The following ZFHX3 variants were observed in gnomAD, a reference collection of about 807,000 sequenced individuals.
ZFHX3 encodes the protein zinc finger homeobox 3.
ZFHX3 carries 42 observed loss-of-function variants against 279.1 expected under a neutral mutation model. The observed-to-expected ratio is 0.15, with a 90% CI of 0.12 to 0.19. ZFHX3 has a LOEUF of 0.19. ZFHX3 is among the 10% of genes least tolerant of loss of function. The pLI is 1.00. For synonymous variants in ZFHX3, 2,293 were observed against 1,957.8 expected (o/e 1.17, Z -4.52); for missense variants, 4,981 against 4,754.0 (o/e 1.05, Z -1.40).
At chr16:73,806,302 G>C (rs888465526) in intron 1 of ZFHX3, among the ~76,000 whole-genome samples, 8 of 152,190 alleles carry the variant, frequency 5.3e-5, no homozygotes, top group Non-Finnish European at 1.2e-4. Context: ...GCAGAGGCAA[G>C]AGCAAGTGCA....
chr16:72,878,051 G>A (rs1371892597), intron 4 of ZFHX3, among the ~76,000 whole-genome samples: 10 of 151,858 alleles, frequency 6.6e-5, no homozygotes, highest in Admixed American at 1.3e-4. Context: ...CTAGCCAGGT[G>A]TGGTGGTGCA....
intron 4 of ZFHX3, among the ~76,000 whole-genome samples, chr16:72,854,499 C>T (rs978310866): frequency 6.6e-6 from 1 of 152,136 alleles, no homozygotes; most frequent in Non-Finnish European, 1.5e-5. Flanking sequence ...TCTCCAAGGC[C>T]CCTCCTGCCA....
chr16:73,482,751 T>A (rs1447539130), intron 2 of ZFHX3, among the ~76,000 whole-genome samples: 1 of 152,216 alleles, frequency 6.6e-6, no homozygotes, highest in Non-Finnish European at 1.5e-5. Flanking sequence ...TATAGAATAT[T>A]GATCCCAGTG....
intron 6 of ZFHX3, among the ~76,000 whole-genome samples, chr16:73,134,776 A>G (rs1339265259): frequency 6.6e-6 from 1 of 152,060 alleles, no homozygotes; most frequent in African/African-American, 2.4e-5. Flanking sequence ...AGACTTGGCC[A>G]TGTGACTTGC....
intron 2 of ZFHX3, among the ~76,000 whole-genome samples, chr16:73,655,728 G>A (rs1324563061): frequency 6.6e-6 from 1 of 152,154 alleles, no homozygotes; most frequent in Non-Finnish European, 1.5e-5. Context: ...TGAGGAAGCT[G>A]CTGAGTGACA....
At chr16:73,326,997 A>G (rs754722102) in intron 3 of ZFHX3, among the ~76,000 whole-genome samples, 4 of 152,230 alleles carry the variant, frequency 2.6e-5, no homozygotes, top group Non-Finnish European at 5.9e-5. Flanking sequence ...TGGGGATAAG[A>G]TAACTCTCAG....
At chr16:73,771,173 G>A (rs966745380) in intron 1 of ZFHX3, among the ~76,000 whole-genome samples, 2 of 152,166 alleles carry the variant, frequency 1.3e-5, no homozygotes, top group African/African-American at 2.4e-5. Context: ...TAGAAAACAG[G>A]CAAGGGGTGA....
At chr16:73,568,014 G>A (rs1385107547) in intron 2 of ZFHX3, among the ~76,000 whole-genome samples, 1 of 152,102 alleles carries the variant, frequency 6.6e-6, no homozygotes, top group Admixed American at 6.5e-5. Flanking sequence ...AAAAGAAAGA[G>A]TCCTCAAATT....
chr16:72,822,949 G>A (rs994287959), intron 5 of ZFHX3, among the ~76,000 whole-genome samples: 10 of 152,150 alleles, frequency 6.6e-5, no homozygotes, highest in East Asian at 1.9e-4. Flanking sequence ...ATTTGGGCAA[G>A]TCCAGATATA....
At chr16:73,654,398 CA>C (rs1220404456) in intron 2 of ZFHX3, among the ~76,000 whole-genome samples, 2 of 151,994 alleles carry the variant, frequency 1.3e-5, no homozygotes, top group African/African-American at 4.8e-5. Context: ...CATTCAAGAA[CA>C]AAACAATCCT....
intron 3 of ZFHX3, among the ~76,000 whole-genome samples, chr16:73,394,877 G>T (rs1567470730): frequency 6.6e-6 from 1 of 152,148 alleles, no homozygotes. Flanking sequence ...TGGCAGATAA[G>T]GAAACCAAGG....
chr16:73,552,472 G>A (rs1390252679), intron 2 of ZFHX3, among the ~76,000 whole-genome samples: 1 of 152,094 alleles, frequency 6.6e-6, no homozygotes, highest in African/African-American at 2.4e-5. Context: ...AAGCTCAAAA[G>A]GTGTAAGACA....
At chr16:73,882,566 T>C (rs1341665911) in intron 1 of ZFHX3, among the ~76,000 whole-genome samples, 1 of 152,120 alleles carries the variant, frequency 6.6e-6, no homozygotes, top group Non-Finnish European at 1.5e-5. Context: ...TCATGGGGAC[T>C]ATTATGTCAA....
At chr16:73,057,778 C>A (rs1397442971) in intron 1 of ZFHX3, among the ~76,000 whole-genome samples, 1 of 151,102 alleles carries the variant, frequency 6.6e-6, no homozygotes, top group African/African-American at 2.4e-5. Context: ...GGCCGCCTCG[C>A]CCCCTCCGGG....
chr16:73,038,407 C>T (rs1315560871), intron 1 of ZFHX3, among the ~76,000 whole-genome samples: 1 of 150,352 alleles, frequency 6.7e-6, no homozygotes, highest in Non-Finnish European at 1.5e-5. Flanking sequence ...AAAAAAACTT[C>T]CTCCCTGACT....
Position 72,988,180 on chromosome 16 carries a change from C to A in ZFHX3, c.-49-27986G>T, listed in dbSNP as rs540924343. Among the ~76,000 whole-genome samples the A allele has an allele frequency of 1.5e-4, 23 of 152,340 alleles. No individual in the cohort carries two copies. The South Asian group carries it at 1.9e-3, about 12-fold the overall frequency. On this transcript the variant is annotated intron_variant, in intron 1 of 9. Coordinates refer to ENST00000268489, the MANE Select transcript of ZFHX3 (RefSeq NM_006885.4). ...TTAGGAGCACTGTAAACCATTAAGGCCATTAGCTCTAATTTGACCTCCACA... is the reference window on the plus strand; with the variant it reads ...TTAGGAGCACTGTAAACCATTAAGGACATTAGCTCTAATTTGACCTCCACA...
intron 1 of ZFHX3, among the ~76,000 whole-genome samples, chr16:73,883,341 G>A (rs542292314): frequency 6.6e-6 from 1 of 152,036 alleles, no homozygotes; most frequent in African/African-American, 2.4e-5. Context: ...TGTGTATTCT[G>A]TTACTCCAGG....
chr16:73,269,535 G>A (rs139742169), intron 4 of ZFHX3, among the ~76,000 whole-genome samples: 46 of 152,214 alleles, frequency 3.0e-4, no homozygotes, highest in African/African-American at 9.6e-4. Flanking sequence ...TTCATGGCAC[G>A]GATGTACTGT....
intron 5 of ZFHX3, among the ~76,000 whole-genome samples, chr16:73,220,408 A>C (rs1349247914): frequency 6.6e-6 from 1 of 152,170 alleles, no homozygotes; most frequent in African/African-American, 2.4e-5. Flanking sequence ...AATATGGGGA[A>C]AGCTAGGTGA....
Sources: gnomAD v4.1 joint callset for allele counts (sites outside exome capture counted in the v4.1 genomes callset) on GRCh38, gnomAD v4.1.1 for gene constraint, MANE v1.5 for transcripts, NCBI Gene and HGNC (gene_info 2026-07-23, HGNC 2026-07-21) for gene names.